Variants in PDK1 observed in about 807,000 individuals in gnomAD.
PDK1 encodes pyruvate dehydrogenase kinase 1.
In PDK1, 39 loss-of-function variants were observed where a neutral mutation model predicts 54.2. The ratio of observed to expected loss-of-function variants is 0.72; its 90% CI spans 0.56 to 0.94. The LOEUF is 0.94. Among genes scored for constraint, PDK1 ranks in the 40% least tolerant of loss-of-function variants. The pLI is 0.00. For synonymous variants in PDK1, 221 were observed against 207.1 expected (o/e 1.07, Z -0.58); for missense variants, 552 against 566.0 (o/e 0.98, Z 0.25).
chr2:172,574,108 C>T (rs1231454074), intron 8 of PDK1, among the ~76,000 whole-genome samples: 3 of 152,222 alleles, frequency 2.0e-5, no homozygotes, highest in Admixed American at 6.5e-5. Context: ...AAGTTTTGTA[C>T]ATGGTTTGAG....
chr2:172,620,949 C>G, the PDK1 span, among the ~76,000 whole-genome samples: 1 of 138,538 alleles, frequency 7.2e-6, no homozygotes, highest in African/African-American at 2.8e-5. Context: ...TGGCCTAATA[C>G]AGGCTCAAAG....
At chr2:172,633,298 G>A in the PDK1 span, among the ~76,000 whole-genome samples, 4 of 151,126 alleles carry the variant, frequency 2.6e-5, no homozygotes, top group African/African-American at 9.7e-5. Context: ...TCCTCCTGCC[G>A]TGACCTTCCA....
At chr2:172,644,564 A>G in the PDK1 span, among the ~76,000 whole-genome samples, 1 of 152,252 alleles carries the variant, frequency 6.6e-6, no homozygotes, top group Non-Finnish European at 1.5e-5. Flanking sequence ...TGTGATTACT[A>G]TTAGTCCTTG....
At chr2:172,667,432 A>G in the PDK1 span, among the ~76,000 whole-genome samples, 142 of 152,352 alleles carry the variant, frequency 9.3e-4, 2 homozygotes, top group Middle Eastern at 6.8e-3. Context: ...TTCACAGAGT[A>G]TAAGAACCAA....
At chr2:172,677,160 T>C in the PDK1 span, 1 of 152,240 alleles carries the variant, frequency 6.6e-6, no homozygotes, top group Non-Finnish European at 1.5e-5. Flanking sequence ...GTATTCATTT[T>C]ATTGAAGTAG....
the PDK1 span, among the ~76,000 whole-genome samples, chr2:172,628,042 A>G: frequency 1.3e-5 from 2 of 152,224 alleles, no homozygotes; most frequent in African/African-American, 4.8e-5. Flanking sequence ...CAAATCAGAA[A>G]GTCTTTGAAT....
Position 172,586,397 on chromosome 2 carries a change from T to C in PDK1, c.1056+9T>C. ...CCCGCGCAGTGCCTCTGGTATGTTA[T>C]CAAGAAATAATGAAGTGTGTTTCTG... On this transcript the variant is annotated intron_variant, in intron 9 of 10. Coordinates refer to ENST00000282077, the MANE Select transcript of PDK1 (RefSeq NM_002610.5). 6.6e-7 allele frequency: 1 copy of C among 1,518,712 alleles called. No homozygotes were observed. Among genetic ancestry groups the C allele is most frequent in the Non-Finnish European group, 9.1e-7 (1 of 1,093,554 alleles). The allele number at this position is 1,518,712 out of a possible 1,614,324, so 94.1% of individuals were successfully genotyped here.
At chr2:172,648,167 C>CA in the PDK1 span, among the ~76,000 whole-genome samples, 1 of 152,026 alleles carries the variant, frequency 6.6e-6, no homozygotes. Context: ...AGTAGGAAAC[C>CA]CGATAAAATT....
intron 8 of PDK1, among the ~76,000 whole-genome samples, chr2:172,578,800 A>G (rs1689720547): frequency 6.6e-6 from 1 of 151,656 alleles, no homozygotes; most frequent in Admixed American, 6.6e-5. Context: ...TGGCTTCTGA[A>G]GTCTCTGCTC....
rs577082539 is a variant in PDK1, at chr2:172,600,983, A to C, written c.*5014A>C. Reference sequence around the variant, plus strand: ...GAAAGGAATGTGCTTATTAAGGGCCACTGTTTTACTGGGGTTAACTGCATG... The same window carrying C: ...GAAAGGAATGTGCTTATTAAGGGCCCCTGTTTTACTGGGGTTAACTGCATG... On this transcript the variant is annotated 3_prime_UTR_variant, in exon 11 of 11. Transcript: ENST00000282077. 1 of 152,160 alleles carries C rather than the reference A, an allele frequency of 6.6e-6. No individual in the cohort carries two copies. Among genetic ancestry groups the C allele is most frequent in the African/African-American group, 2.4e-5 (1 of 41,446 alleles). The allele number at this position is 152,160 out of a possible 1,614,324, so 9.4% of individuals were successfully genotyped here.
intron 8 of PDK1, among the ~76,000 whole-genome samples, chr2:172,585,945 C>T (rs1468243418): frequency 6.6e-6 from 1 of 152,060 alleles, no homozygotes; most frequent in Non-Finnish European, 1.5e-5. Context: ...ACAGGCAGAT[C>T]ATGAGGTCAG....
the PDK1 span, among the ~76,000 whole-genome samples, chr2:172,629,851 G>T: frequency 7.2e-5 from 11 of 152,136 alleles, no homozygotes; most frequent in African/African-American, 2.4e-4. Context: ...CCTGTCACCT[G>T]CATGCTCCCC....
chr2:172,567,937 G>A (rs1051314602), intron 6 of PDK1, among the ~76,000 whole-genome samples: 7 of 152,188 alleles, frequency 4.6e-5, no homozygotes, highest in East Asian at 1.9e-4. Context: ...TTACTGTCTC[G>A]AGAAATTGAT....
the PDK1 span, among the ~76,000 whole-genome samples, chr2:172,721,926 A>G: frequency 6.6e-6 from 1 of 152,244 alleles, no homozygotes; most frequent in African/African-American, 2.4e-5. Context: ...GCTCTCTTCT[A>G]TAGTAGAATG....
chr2:172,632,455 A>G, the PDK1 span, among the ~76,000 whole-genome samples: 1 of 152,142 alleles, frequency 6.6e-6, no homozygotes, highest in Non-Finnish European at 1.5e-5. Context: ...TTTTTGGTAA[A>G]GATCCAGTGC....
At chr2:172,622,644 TTA>T in the PDK1 span, among the ~76,000 whole-genome samples, 9 of 145,486 alleles carry the variant, frequency 6.2e-5, no homozygotes, top group Admixed American at 2.7e-4. Flanking sequence ...TGAGATATGT[TTA>T]TATCTCATGT....
the PDK1 span, among the ~76,000 whole-genome samples, chr2:172,648,523 G>A: frequency 6.6e-6 from 1 of 152,290 alleles, no homozygotes; most frequent in Admixed American, 6.5e-5. Context: ...AGCCCACAGA[G>A]TAGAGCGGGG....
chr2:172,721,524 G>A, the PDK1 span, among the ~76,000 whole-genome samples: 3 of 152,176 alleles, frequency 2.0e-5, no homozygotes, highest in African/African-American at 7.2e-5. Flanking sequence ...TTTTAGCAGA[G>A]ACGGGGTTTC....
At chr2:172,671,413 T>G in the PDK1 span, among the ~76,000 whole-genome samples, 1 of 151,652 alleles carries the variant, frequency 6.6e-6, no homozygotes, top group East Asian at 1.9e-4. Flanking sequence ...CTTTAGGAAT[T>G]TTCAAGCTAA....
Sources: allele counts gnomAD v4.1 joint callset (sites outside exome capture counted in the v4.1 genomes callset), GRCh38; gene constraint gnomAD v4.1.1; transcripts MANE v1.5; gene names NCBI Gene and HGNC (gene_info 2026-07-23, HGNC 2026-07-21).